The following TMC1 variants were observed in gnomAD, a reference collection of about 807,000 sequenced individuals.
TMC1 encodes the protein transmembrane channel like 1.
In TMC1, 84 loss-of-function variants were observed where a neutral mutation model predicts 105.8. That is an observed-to-expected ratio of 0.79 (90% CI 0.67 to 0.95). The LOEUF is 0.95. TMC1 is among the 40% of genes least tolerant of loss of function. The pLI is 0.00. For missense variants in TMC1, 817 were observed against 914.1 expected (o/e 0.89, Z 1.37); for synonymous variants, 315 against 311.5 (o/e 1.01, Z -0.12).
chr9:72,818,367 T>A (rs1461697788), intron 19 of TMC1, among the ~76,000 whole-genome samples: 2 of 152,220 alleles, frequency 1.3e-5, no homozygotes, highest in Non-Finnish European at 2.9e-5. Flanking sequence ...ATTAGTAACC[T>A]TTATTTACGC....
At chr9:72,553,932 A>G (rs772018853) in intron 1 of TMC1, among the ~76,000 whole-genome samples, 6 of 152,186 alleles carry the variant, frequency 3.9e-5, no homozygotes, top group Non-Finnish European at 8.8e-5. Context: ...TTTTCAAACC[A>G]GCTGAATTTT....
chr9:72,625,822 AATG>A (rs1220884172), intron 3 of TMC1, among the ~76,000 whole-genome samples: 1 of 152,146 alleles, frequency 6.6e-6, no homozygotes, highest in Non-Finnish European at 1.5e-5. Context: ...TCCTTACACA[AATG>A]ATGAAGTAGG....
Position 72,650,880 on chromosome 9 carries a change from A to ATATATATATT in TMC1, c.16+2218_16+2219insTATATATTTA, listed in dbSNP as rs1305114212. ...GTATTTCATGGTGTATTTTATATAT[A>ATATATATATT]TAGATATATAGATATATATATAAAT... On this transcript the variant is annotated intron_variant, in intron 5 of 23. Coordinates refer to ENST00000297784, the MANE Select transcript of TMC1 (RefSeq NM_138691.3). Among the ~76,000 whole-genome samples the ATATATATATT allele has an allele frequency of 8.7e-4, 114 of 131,698 alleles. 1 individual carries two copies. Among genetic ancestry groups the ATATATATATT allele is most frequent in the African/African-American group, 2.9e-3 (103 of 34,934 alleles). 86.4% of individuals were successfully genotyped at this position (131,698 alleles called of 152,430 possible). A position where few individuals can be genotyped will look rare whatever the true frequency, so the allele number is the denominator to read the frequency against.
rs957049250 is a variant in TMC1 at position 72,836,840 on chromosome 9, G to A, written c.*867G>A. 1 of 152,194 alleles carries A rather than the reference G, an allele frequency of 6.6e-6. No individual in the cohort carries two copies. The highest frequency in any genetic ancestry group is 1.5e-5 in the Non-Finnish European group (1 of 68,040). The allele number at this position is 152,194 out of a possible 1,614,324, so 9.4% of individuals were successfully genotyped here. ...ACAATTCTTGCCTCCTTGGAGGGAA[G>A]AATTCAGCTGAGGGGCAGAAGTAGG... On this transcript the variant is annotated 3_prime_UTR_variant, in exon 24 of 24. Coordinates refer to ENST00000297784, the MANE Select transcript of TMC1 (RefSeq NM_138691.3).
chr9:72,717,946 A>G (rs1826950329), intron 8 of TMC1, among the ~76,000 whole-genome samples: 1 of 152,022 alleles, frequency 6.6e-6, no homozygotes, highest in South Asian at 2.1e-4. Context: ...AGGTTTGGTC[A>G]TTTAACATAA....
intron 17 of TMC1, among the ~76,000 whole-genome samples, chr9:72,793,591 T>C (rs1390378040): frequency 6.6e-6 from 1 of 152,166 alleles, no homozygotes; most frequent in Non-Finnish European, 1.5e-5. Flanking sequence ...TCCAACCACC[T>C]CCTACAGGTG....
At chr9:72,805,117 G>A (rs1475600974) in intron 17 of TMC1, among the ~76,000 whole-genome samples, 1 of 152,094 alleles carries the variant, frequency 6.6e-6, no homozygotes, top group East Asian at 1.9e-4. Context: ...ATATTTTCCT[G>A]TTTTTGGCTC....
intron 1 of TMC1, among the ~76,000 whole-genome samples, chr9:72,553,231 A>T (rs62560376): frequency 0.06 from 9,188 of 152,152 alleles, 433 homozygotes; most frequent in Middle Eastern, 0.095. Flanking sequence ...CCTCTGCTTC[A>T]CAAAGTGCTG....
chr9:72,614,500 G>A (rs1229931295), intron 2 of TMC1, among the ~76,000 whole-genome samples: 3 of 152,100 alleles, frequency 2.0e-5, no homozygotes, highest in African/African-American at 2.4e-5. Flanking sequence ...TGAGGGACAC[G>A]TCTTGAGAAA....
chr9:72,740,140 T>C lies in TMC1; in HGVS notation c.384T>C (p.Ser128=), dbSNP rs764922731. The change falls in exon 9 of 24, where the codon AGT becomes AGC. Residue 128 remains serine (S), a synonymous_variant. Coordinates refer to ENST00000297784, the MANE Select transcript of TMC1 (RefSeq NM_138691.3). ...EVLKEAKKFV[S]ENEGALGKGK... is the part of the protein sequence containing the mutation. ...TCAGGGAGGCAAAAAAATTTGTGAG[T>C]GAAAATGAAGGGGCTCTTGGGAAAG... 1 of 1,613,628 alleles carries C rather than the reference T, an allele frequency of 6.2e-7. No homozygotes were observed. The highest frequency in any genetic ancestry group is 8.5e-7 in the Non-Finnish European group (1 of 1,179,712).
chr9:72,572,201 A>ATT (rs531142730), intron 1 of TMC1, among the ~76,000 whole-genome samples: 1 of 134,896 alleles, frequency 7.4e-6, no homozygotes, highest in East Asian at 2.2e-4. Context: ...TTATTTTTTG[A>ATT]TTTTTTTTTT....
intron 1 of TMC1, among the ~76,000 whole-genome samples, chr9:72,554,874 AATTATT>A (rs142780589): frequency 0.012 from 1,814 of 152,038 alleles, 25 homozygotes; most frequent in African/African-American, 0.033. Context: ...TGAATTCTGA[AATTATT>A]ATTATTATTA....
At chr9:72,626,056 A>G (rs116634819) in intron 3 of TMC1, among the ~76,000 whole-genome samples, 2 of 152,180 alleles carry the variant, frequency 1.3e-5, no homozygotes, top group African/African-American at 4.8e-5. Flanking sequence ...ATACCTATAT[A>G]TAAGAGAGAT....
rs569909262 is a variant in TMC1 at position 72,715,339 on chromosome 9, A to G, written c.362+14696A>G. Among the ~76,000 whole-genome samples, 45 of 152,258 alleles carry G rather than the reference A, an allele frequency of 3.0e-4. No homozygotes were observed. The South Asian group carries it at 9.1e-3, about 31-fold the overall frequency. On this transcript the variant is annotated intron_variant, in intron 8 of 23. Coordinates refer to ENST00000297784, the MANE Select transcript of TMC1 (RefSeq NM_138691.3). Reference sequence around the variant, plus strand: ...CTAGCTTGGGGAAGTTCTCCTGGATAATATCCTGAAGAATGTTTTCCAACT... The same window carrying G: ...CTAGCTTGGGGAAGTTCTCCTGGATGATATCCTGAAGAATGTTTTCCAACT...
At chr9:72,550,797 A>G (rs1193446684) in intron 1 of TMC1, among the ~76,000 whole-genome samples, 5 of 151,994 alleles carry the variant, frequency 3.3e-5, no homozygotes, top group East Asian at 1.9e-4. Flanking sequence ...TCCCCATCCT[A>G]TTCCCTGGAA....
chr9:72,554,129 T>G (rs1372630077), intron 1 of TMC1, among the ~76,000 whole-genome samples: 1 of 152,218 alleles, frequency 6.6e-6, no homozygotes, highest in Non-Finnish European at 1.5e-5. Context: ...TGCCTTTTTT[T>G]TCCCCAGTCA....
chr9:72,770,632 A>G lies in TMC1; in HGVS notation c.742-1781A>G, dbSNP rs560117389. Among the ~76,000 whole-genome samples the G allele has an allele frequency of 5.9e-5, 9 of 152,116 alleles. No individual in the cohort carries two copies. The East Asian group carries it at 1.7e-3, about 29-fold the overall frequency. On this transcript the variant is annotated intron_variant, in intron 12 of 23. Transcript: ENST00000297784. ...TATAAATAATAGATTTACTACAGAT[A>G]TAAAAGGAGATTCATTTTGAGGAAT... is the stretch of plus-strand genomic sequence containing the variant.
chr9:72,827,079 C>A, intron 21 of TMC1, 85 bp downstream of exon 21: 1 of 1,566,338 alleles, frequency 6.4e-7, no homozygotes, highest in Non-Finnish European at 8.8e-7. Context: ...AGCTCTCTCA[C>A]TCTCCCTAAG....
intron 1 of TMC1, among the ~76,000 whole-genome samples, chr9:72,549,698 C>A (rs1429350155): frequency 9.2e-5 from 14 of 151,746 alleles, no homozygotes; most frequent in Non-Finnish European, 1.9e-4. Context: ...GCAACCTCCA[C>A]CTCCTGGGTT....
Sources: allele counts gnomAD v4.1 joint callset (sites outside exome capture counted in the v4.1 genomes callset), GRCh38; gene constraint gnomAD v4.1.1; transcripts MANE v1.5; gene names NCBI Gene and HGNC (gene_info 2026-07-23, HGNC 2026-07-21).